Variants in ZBED5 observed in about 807,000 individuals in gnomAD.
ZBED5 encodes the protein zinc finger BED-type containing 5.
ZBED5 carries 29 observed loss-of-function variants against 49.2 expected under a neutral mutation model. That is an observed-to-expected ratio of 0.59 (90% confidence interval 0.44 to 0.80). The LOEUF (loss-of-function observed/expected upper bound fraction) is 0.80, where lower values mean the gene tolerates loss of function less well. Among genes scored for constraint, ZBED5 ranks in the 30% least tolerant of loss-of-function variants. The pLI, the probability that ZBED5 is intolerant of heterozygous loss-of-function variation, is 0.00. For missense variants in ZBED5, 775 were observed against 812.9 expected (o/e 0.95, Z 0.57); for synonymous variants, 281 against 292.5 (o/e 0.96, Z 0.40).
In ZBED5 at chr11:10,854,282, C is replaced by T. The variant is rs1564998344; in HGVS notation, c.664G>A (p.Ala222Thr). ...TIGELLIKPC[A>T]KDVVMRMFDE... ...AACATCCGCATCACTACATCTTTTG[C>T]ACAAGGTTTGATAAGCAATTCTCCA... is the stretch of plus-strand genomic sequence containing the variant. Residue 222 changes from alanine to threonine, a missense_variant, in exon 3 of 3, where the codon GCA (alanine) becomes ACA (threonine). Coordinates refer to ENST00000413761, the MANE Select transcript of ZBED5 (RefSeq NM_001143667.2). The surrounding 1 kb of genome is among the most constrained non-coding windows in gnomAD (Gnocchi z 5.0). The T allele has an allele frequency of 6.4e-6, 10 of 1,551,022 alleles. No individual in the cohort carries two copies. Among genetic ancestry groups the T allele is most frequent in the Non-Finnish European group, 8.7e-6 (10 of 1,146,890 alleles).
chr11:10,855,866 T>A lies in ZBED5; in HGVS notation c.-142+278A>T, dbSNP rs1262939664. 1 of 151,524 alleles carries A rather than the reference T, an allele frequency of 6.6e-6. No individual in the cohort carries two copies. Among genetic ancestry groups the A allele is most frequent in the Non-Finnish European group, 1.5e-5 (1 of 67,960 alleles). The allele number at this position is 151,524 out of a possible 1,614,324, so 9.4% of individuals were successfully genotyped here. A position where few individuals can be genotyped will look rare whatever the true frequency, so the allele number is the denominator to read the frequency against. ...CTCTGCATTCTATTTATACAACAGG[T>A]GACGACTTAACCAGGACCTAAAAAA... On this transcript the variant is annotated intron_variant, in intron 2 of 2. Transcript: ENST00000413761. This position sits in a 1 kb window ranked among gnomAD's most constrained non-coding sequence, Gnocchi z 4.1.
Position 10,853,659 on chromosome 11 carries a change from A to G in ZBED5, c.1287T>C (p.Asn429=). The G allele has an allele frequency of 6.4e-7, 1 of 1,551,662 alleles. No individual in the cohort carries two copies. Among genetic ancestry groups the G allele is most frequent in the Non-Finnish European group, 8.7e-7 (1 of 1,146,942 alleles). ...CTCGAGAAAGCCACCTCACCTCTGT[A>G]TTTAGAAGAAGTGCTGTGTGCTGAG... is the stretch of plus-strand genomic sequence containing the variant. ...MGAQHTALLL[N]TEVRWLSRGK... The change falls in exon 3 of 3, where the codon AAT becomes AAC. Residue 429 remains asparagine (N), a synonymous_variant. Coordinates refer to ENST00000413761, the MANE Select transcript of ZBED5 (RefSeq NM_001143667.2). The surrounding 1 kb of genome is among the most constrained non-coding windows in gnomAD (Gnocchi z 5.4).
In ZBED5 at chr11:10,854,897, C is replaced by T; in HGVS notation, c.49G>A (p.Ala17Thr). The T allele has an allele frequency of 6.4e-7, 1 of 1,551,410 alleles. No homozygotes were observed. The highest frequency in any genetic ancestry group is 8.7e-7 in the Non-Finnish European group (1 of 1,146,804). Residue 17 changes from alanine (A) to threonine (T), a missense_variant, in exon 3 of 3, where the codon GCG (alanine) becomes ACG (threonine). Physicochemically the swap from Ala to Thr is moderately conservative, Grantham distance 58. Coordinates refer to ENST00000413761, the MANE Select transcript of ZBED5 (RefSeq NM_001143667.2). The surrounding 1 kb of genome is among the most constrained non-coding windows in gnomAD (Gnocchi z 5.0). The stretch of plus-strand genomic sequence containing the variant: ...AATTTAGAATAGACATTGAGTATCG[C>T]AAATGTGTTGAAATTATAAGACAGG... ...CILSYNFNTF[A>T]ILNVYSKLTM...
Position 10,857,030 on chromosome 11 carries a change from G to GCAA in ZBED5, c.-255-776_-255-774dup, listed in dbSNP as rs1389370721. 6.6e-6 allele frequency among the ~76,000 whole-genome samples: 1 copy of GCAA among 152,188 alleles called. No homozygotes were observed. The highest frequency in any genetic ancestry group is 2.4e-5 in the African/African-American group (1 of 41,438). On this transcript the variant is annotated intron_variant, in intron 1 of 2. Transcript: ENST00000413761. This position sits in a 1 kb window ranked among gnomAD's most constrained non-coding sequence, Gnocchi z 6.3. The stretch of plus-strand genomic sequence containing the variant: ...CCAGAAAGTCGAGGGTCTCATACTA[G>GCAA]CAACAGCATAAAGCCCTGCTTCTTA...
rs1358605156 is a variant in ZBED5, at chr11:10,853,633, C to T, written c.1313G>A (p.Gly438Asp). ...TTCAAAAAGTCTTACAAGAACTTTA[C>T]CTCGAGAAAGCCACCTCACCTCTGT... ...LNTEVRWLSR[G>D]KVLVRLFELR... The change falls in exon 3 of 3, where the codon GGT becomes GAT. Residue 438 changes from glycine to aspartate, a missense_variant. Physicochemically the swap from Gly to Asp is moderately conservative, Grantham distance 94. Coordinates refer to ENST00000413761, the MANE Select transcript of ZBED5 (RefSeq NM_001143667.2). The surrounding 1 kb of genome is among the most constrained non-coding windows in gnomAD (Gnocchi z 5.4). 3 of 1,551,462 alleles carry T rather than the reference C, an allele frequency of 1.9e-6. No homozygotes were observed. The African/African-American group carries it at 4.1e-5, about 21-fold the overall frequency.
chr11:10,853,063 G>C lies in ZBED5; in HGVS notation c.1883C>G (p.Ala628Gly), dbSNP rs1311122252. Reference protein sequence around the residue: ...SSLIQEYPSIARRAVRVLLPF... With the variant: ...SSLIQEYPSIGRRAVRVLLPF... ...AAGAAGTACACGCACTGCACGCCTT[G>C]CAATGCTTGGGTATTCCTGAATTAG... is the stretch of plus-strand genomic sequence containing the variant. Residue 628 changes from alanine (A) to glycine (G), a missense_variant, in exon 3 of 3, where the codon GCA (alanine) becomes GGA (glycine). Ala to Gly is a moderately conservative substitution (Grantham distance 60). Transcript: ENST00000413761. The surrounding 1 kb of genome is among the most constrained non-coding windows in gnomAD (Gnocchi z 5.4). 1.3e-6 allele frequency: 2 copies of C among 1,551,402 alleles called. No individual in the cohort carries two copies. Among genetic ancestry groups the C allele is most frequent in the African/African-American group, 2.7e-5 (2 of 73,016 alleles).
Position 10,854,051 on chromosome 11 carries a change from T to C in ZBED5, c.895A>G (p.Lys299Glu). The change falls in exon 3 of 3, where the codon AAG becomes GAG. Residue 299 changes from lysine (K) to glutamate (E), a missense_variant. Lys to Glu is a moderately conservative substitution (Grantham distance 56). Transcript: ENST00000413761. The surrounding 1 kb of genome is among the most constrained non-coding windows in gnomAD (Gnocchi z 5.0). ...LLVFVRYRFNKSIEEDLLLCE... is the reference protein window; with the variant it reads ...LLVFVRYRFNESIEEDLLLCE... ...AGGAGTAGGTCTTCCTCAATAGACTTATTAAACCTATAACGAACAAACACA... is the reference window on the plus strand; with the variant it reads ...AGGAGTAGGTCTTCCTCAATAGACTCATTAAACCTATAACGAACAAACACA... The C allele has an allele frequency of 6.4e-7, 1 of 1,551,420 alleles. No homozygotes were observed.
At position 10,854,459 on chromosome 11, in the gene ZBED5, T is replaced by C. The variant is rs1326200502; in HGVS notation, c.487A>G (p.Lys163Glu). 1 of 1,551,480 alleles carries C rather than the reference T, an allele frequency of 6.4e-7. No individual in the cohort carries two copies. Among genetic ancestry groups the C allele is most frequent in the African/African-American group, 1.4e-5 (1 of 73,130 alleles). ...TGTTGCTTGAAAAAGCTTATGTCTT[T>C]GTCTTTATATGCAGCATGTTTAGTT... ...LETKHAAYKD[K>E]DISFFKQHLD... is the part of the protein sequence containing the mutation. Residue 163 changes from lysine to glutamate, a missense_variant, in exon 3 of 3, where the codon AAA (lysine) becomes GAA (glutamate). Transcript: ENST00000413761. The surrounding 1 kb of genome is among the most constrained non-coding windows in gnomAD (Gnocchi z 5.0).
At position 10,856,746 on chromosome 11, in the gene ZBED5, T is replaced by C. The variant is rs572061204; in HGVS notation, c.-255-489A>G. Among the ~76,000 whole-genome samples, 15 of 152,336 alleles carry C rather than the reference T, an allele frequency of 9.8e-5. No individual in the cohort carries two copies. In the East Asian group the frequency reaches 2.1e-3, roughly 22 times the overall value. The stretch of plus-strand genomic sequence containing the variant: ...GCCAATTACTGCTAAATCCCTCATA[T>C]AGATTATCTCATCTATGAAGACACA... On this transcript the variant is annotated intron_variant, in intron 1 of 2. Coordinates refer to ENST00000413761, the MANE Select transcript of ZBED5 (RefSeq NM_001143667.2).
chr11:10,854,331 C>G lies in ZBED5; in HGVS notation c.615G>C (p.Ala205=). The G allele has an allele frequency of 6.4e-7, 1 of 1,550,574 alleles. No homozygotes were observed. The highest frequency in any genetic ancestry group is 1.2e-5 in the South Asian group (1 of 84,050). ...CAATAGTATGAGCCTCTCCACTCAG[C>G]GCTATATGGTAACTTACATTGTATG... ...EASYNVSYHI[A]LSGEAHTIGE... Residue 205 remains alanine (A), a synonymous_variant, in exon 3 of 3, where the codon GCG becomes GCC. Transcript: ENST00000413761. The surrounding 1 kb of genome is among the most constrained non-coding windows in gnomAD (Gnocchi z 5.0).
rs1164766677 is a variant in ZBED5, at chr11:10,853,815, A to C, written c.1131T>G (p.His377Gln). 11 of 1,551,510 alleles carry C rather than the reference A, an allele frequency of 7.1e-6. No individual in the cohort carries two copies. Among genetic ancestry groups the C allele is most frequent in the Non-Finnish European group, 7.8e-6 (9 of 1,146,948 alleles). The part of the protein sequence containing the change: ...STSSHCLLYR[H>Q]ALAVKIMPTS... ...TAGGCATTATTTTAACTGCCAGTGC[A>C]TGTCTGTATAATAGGCAGTGACTAC... The change falls in exon 3 of 3, where the codon CAT (histidine) becomes CAG (glutamine). Residue 377 changes from histidine (H) to glutamine (Q), a missense_variant. Transcript: ENST00000413761. The surrounding 1 kb of genome is among the most constrained non-coding windows in gnomAD (Gnocchi z 5.4).
In ZBED5 at chr11:10,855,565, T is replaced by C. The variant is rs1230456349; in HGVS notation, c.-141-479A>G. 6.6e-6 allele frequency: 1 copy of C among 152,256 alleles called. No homozygotes were observed. Among genetic ancestry groups the C allele is most frequent in the African/African-American group, 2.4e-5 (1 of 41,454 alleles). The allele number at this position is 152,256 out of a possible 1,614,324, so 9.4% of individuals were successfully genotyped here. The stretch of plus-strand genomic sequence containing the variant: ...TTGTGAAATCTCTTTTAGCTTTTGA[T>C]GCCTACTGTCATTAGATGTATTAGT... On this transcript the variant is annotated intron_variant, in intron 2 of 2. Coordinates refer to ENST00000413761, the MANE Select transcript of ZBED5 (RefSeq NM_001143667.2). This position sits in a 1 kb window ranked among gnomAD's most constrained non-coding sequence, Gnocchi z 4.1.
In ZBED5 at chr11:10,853,453, A is replaced by T. The variant is rs1449952322; in HGVS notation, c.1493T>A (p.Val498Asp). ...NLSMQGKNVT[V>D]FTVFDKMSSL... ...CGACATTTTATCAAATACTGTAAAAACGGTCACATTTTTTCCTTGCATTGA... is the reference window on the plus strand; with the variant it reads ...CGACATTTTATCAAATACTGTAAAATCGGTCACATTTTTTCCTTGCATTGA... Residue 498 changes from valine to aspartate, a missense_variant, in exon 3 of 3, where the codon GTT becomes GAT. Transcript: ENST00000413761. This position sits in a 1 kb window ranked among gnomAD's most constrained non-coding sequence, Gnocchi z 5.4. 1 of 1,550,854 alleles carries T rather than the reference A, an allele frequency of 6.4e-7. No homozygotes were observed. Among genetic ancestry groups the T allele is most frequent in the Non-Finnish European group, 8.7e-7 (1 of 1,146,588 alleles).
Position 10,853,223 on chromosome 11 carries a change from T to C in ZBED5, c.1723A>G (p.Arg575Gly). 3.9e-6 allele frequency: 6 copies of C among 1,551,592 alleles called. No homozygotes were observed. The highest frequency in any genetic ancestry group is 5.2e-6 in the Non-Finnish European group (6 of 1,146,862). Residue 575 changes from arginine to glycine, a missense_variant, in exon 3 of 3, where the codon AGA (arginine) becomes GGA (glycine). Physicochemically the swap from Arg to Gly is moderately radical, Grantham distance 125. Transcript: ENST00000413761. This position sits in a 1 kb window ranked among gnomAD's most constrained non-coding sequence, Gnocchi z 5.4. ...TTAACAGTAACTGTAAATGGATTTC[T>C]AACCCAAGCATTATTGTCATTTGTT... ...PVTNDNNAWV[R>G]NPFTVTVKPA...
In ZBED5 at chr11:10,858,024, C is replaced by G. The variant is rs899987582; in HGVS notation, c.-418G>C. ...TCGCCTAGGCCATCTCCATAGAGAT[C>G]CGATTCGCGGCTGGCGCGGTCGCCG... On this transcript the variant is annotated 5_prime_UTR_variant, in exon 1 of 3. Transcript: ENST00000413761. The G allele has an allele frequency of 6.6e-6, 2 of 303,978 alleles. No homozygotes were observed. The highest frequency in any genetic ancestry group is 1.6e-4 in the South Asian group (1 of 6,158). The allele number at this position is 303,978 out of a possible 1,614,324, so 18.8% of individuals were successfully genotyped here.
chr11:10,854,060 T>C lies in ZBED5; in HGVS notation c.886A>G (p.Arg296Gly). The C allele has an allele frequency of 6.4e-7, 1 of 1,551,322 alleles. No individual in the cohort carries two copies. The highest frequency in any genetic ancestry group is 8.7e-7 in the Non-Finnish European group (1 of 1,146,898). Residue 296 changes from arginine to glycine, a missense_variant, in exon 3 of 3, where the codon AGG becomes GGG. Physicochemically the swap from Arg to Gly is moderately radical, Grantham distance 125. Coordinates refer to ENST00000413761, the MANE Select transcript of ZBED5 (RefSeq NM_001143667.2). This position sits in a 1 kb window ranked among gnomAD's most constrained non-coding sequence, Gnocchi z 5.0. ...LAVLLVFVRY[R>G]FNKSIEEDLL... ...TCTTCCTCAATAGACTTATTAAACC[T>C]ATAACGAACAAACACAAGCAGCACA... is the stretch of plus-strand genomic sequence containing the variant.
rs1564998235 is a variant in ZBED5 at position 10,854,115 on chromosome 11, T to C, written c.831A>G (p.Leu277=). ...GTCCTGAAACATCAGCTGATTCATC[T>C]AGTTGCAGTGAAAACCCATCGCAAA... ...LKICDGFSLQ[L]DESADVSGLA... Residue 277 remains leucine (L), a synonymous_variant, in exon 3 of 3, where the codon CTA becomes CTG. Coordinates refer to ENST00000413761, the MANE Select transcript of ZBED5 (RefSeq NM_001143667.2). This position sits in a 1 kb window ranked among gnomAD's most constrained non-coding sequence, Gnocchi z 5.0. 5 of 1,550,850 alleles carry C rather than the reference T, an allele frequency of 3.2e-6. No individual in the cohort carries two copies. In the Admixed American group the frequency reaches 5.9e-5, roughly 18 times the overall value.
In ZBED5 at chr11:10,856,261, G is replaced by A. The variant is rs1848178925; in HGVS notation, c.-255-4C>T. On this transcript the variant is annotated splice_polypyrimidine_tract_variant and splice_region_variant and intron_variant, in intron 1 of 2. Coordinates refer to ENST00000413761, the MANE Select transcript of ZBED5 (RefSeq NM_001143667.2). The stretch of plus-strand genomic sequence containing the variant: ...GGGAAGGGGAGTAACCAAAAGCCTA[G>A]AATGAGAAAAATTAAAATTAGATAC... 1 of 152,086 alleles carries A rather than the reference G, an allele frequency of 6.6e-6. No individual in the cohort carries two copies. The highest frequency in any genetic ancestry group is 2.1e-4 in the South Asian group (1 of 4,838). 9.4% of individuals were successfully genotyped at this position (152,086 alleles called of 1,614,324 possible). A position where few individuals can be genotyped will look rare whatever the true frequency, so the allele number is the denominator to read the frequency against.
chr11:10,853,687 C>A lies in ZBED5; in HGVS notation c.1259G>T (p.Gly420Val). 10 of 1,551,660 alleles carry A rather than the reference C, an allele frequency of 6.4e-6. No individual in the cohort carries two copies. Among genetic ancestry groups the A allele is most frequent in the East Asian group, 2.4e-5 (1 of 40,922 alleles). ...TAGAAGAAGTGCTGTGTGCTGAGCA[C>A]CCATTTCCTCACATAAAATTTTTAA... is the stretch of plus-strand genomic sequence containing the variant. ...RLLKILCEEM[G>V]AQHTALLLNT... Residue 420 changes from glycine (G) to valine (V), a missense_variant, in exon 3 of 3, where the codon GGT becomes GTT. Gly to Val is a moderately radical substitution (Grantham distance 109). Coordinates refer to ENST00000413761, the MANE Select transcript of ZBED5 (RefSeq NM_001143667.2). This position sits in a 1 kb window ranked among gnomAD's most constrained non-coding sequence, Gnocchi z 5.4.
Sources: gnomAD v4.1 joint callset for allele counts (sites outside exome capture counted in the v4.1 genomes callset) on GRCh38, gnomAD v4.1.1 for gene constraint, Gnocchi (gnomAD v3.1) non-coding constraint, MANE v1.5 for transcripts, NCBI Gene and HGNC (gene_info 2026-07-23, HGNC 2026-07-21) for gene names.